The following CHRDL1 variants were observed in gnomAD, a reference collection of about 807,000 sequenced individuals.
The protein encoded by CHRDL1 is chordin like 1.
Under a neutral mutation model 40.9 loss-of-function variants are expected in CHRDL1, and 19 were observed. The observed-to-expected ratio is 0.46, with a 90% CI of 0.32 to 0.68. CHRDL1 has a LOEUF of 0.68. CHRDL1 is among the 30% of genes least tolerant of loss of function. The pLI, the probability that CHRDL1 is intolerant of heterozygous loss-of-function variation, is 0.03. For synonymous variants in CHRDL1, 136 were observed against 123.4 expected (o/e 1.10, Z -0.68); for missense variants, 329 against 352.1 (o/e 0.93, Z 0.53).
intron 7 of CHRDL1, among the ~76,000 whole-genome samples, chrX:110,694,876 A>G (rs142111418): frequency 9.5e-4 from 107 of 112,066 alleles, no homozygotes; most frequent in African/African-American, 3.2e-3. Flanking sequence ...AAGGTGAAGA[A>G]GAGAACATCG....
At chrX:110,705,005 C>G (rs1282170877) in intron 6 of CHRDL1, among the ~76,000 whole-genome samples, 1 of 109,892 alleles carries the variant, frequency 9.1e-6, no homozygotes, top group African/African-American at 3.3e-5. Context: ...AATTTATACC[C>G]TAGAGTTTTT....
rs773945200 is a variant in CHRDL1, at chrX:110,750,987, G to A, written c.301+8674C>T. 1.9e-4 allele frequency among the ~76,000 whole-genome samples: 21 copies of A among 111,730 alleles called. No individual in the cohort carries two copies. The South Asian group carries it at 8.0e-3, about 42-fold the overall frequency. On this transcript the variant is annotated intron_variant, in intron 4 of 11. Transcript: ENST00000372042. The stretch of plus-strand genomic sequence containing the variant: ...ACTGCTGCAAGATCTTACCCAGAAC[G>A]GCTTTCTGTGGGCAGTTCTCTTGAC...
At position 110,721,433 on chromosome X, in the gene CHRDL1, C is replaced by T; in HGVS notation, c.399G>A (p.Gly133=). ...GATTGGGTTGCCGATTCTGAAAGAG[C>T]CCTTCAGCTACGAACAGCTCTCCAT... is the stretch of plus-strand genomic sequence containing the variant. ...YQHGELFVAE[G]LFQNRQPNQC... is the part of the protein sequence containing the mutation. Residue 133 remains glycine, a synonymous_variant, in exon 5 of 12, where the codon GGG becomes GGA. Transcript: ENST00000372042. 8.3e-7 allele frequency: 1 copy of T among 1,209,506 alleles called. No homozygotes were observed. Among genetic ancestry groups the T allele is most frequent in the Non-Finnish European group, 1.1e-6 (1 of 893,411 alleles).
chrX:110,775,727 T>C (rs935757980), intron 2 of CHRDL1, among the ~76,000 whole-genome samples: 1 of 111,471 alleles, frequency 9.0e-6, no homozygotes, highest in African/African-American at 3.2e-5. Context: ...GATTTGCTAG[T>C]TTAATATTGA....
intron 2 of CHRDL1, among the ~76,000 whole-genome samples, chrX:110,765,339 G>A (rs1389589703): frequency 1.8e-5 from 2 of 112,094 alleles, no homozygotes; most frequent in Admixed American, 9.4e-5. Context: ...ATGGAAAATA[G>A]AAAGAACCTA....
At chrX:110,776,714 T>C (rs766989676) in intron 2 of CHRDL1, among the ~76,000 whole-genome samples, 34 of 110,583 alleles carry the variant, frequency 3.1e-4, no homozygotes, top group Non-Finnish European at 6.1e-4. Flanking sequence ...ACAGTAAAAT[T>C]GGGAGGAAGG....
intron 4 of CHRDL1, among the ~76,000 whole-genome samples, chrX:110,741,808 G>A (rs767236898): frequency 8.9e-6 from 1 of 111,900 alleles, no homozygotes; most frequent in African/African-American, 3.2e-5. Flanking sequence ...TTCATTTGGT[G>A]GCACCAGCAA....
Position 110,786,818 on chromosome X carries a change from T to A in CHRDL1, c.94+5270A>T, listed in dbSNP as rs765877744. Among the ~76,000 whole-genome samples, 5 of 112,363 alleles carry A rather than the reference T, an allele frequency of 4.4e-5. No individual in the cohort carries two copies. In the East Asian group the frequency reaches 1.1e-3, roughly 25 times the overall value. On this transcript the variant is annotated intron_variant, in intron 2 of 11. Coordinates refer to ENST00000372042, the MANE Select transcript of CHRDL1 (RefSeq NM_001143981.2). ...TTAGTCCTTGTCTCAGTCTTTTAAC[T>A]CCCAAATAGTATACTATCCCTCTTA...
At chrX:110,696,273 G>C (rs2070383994) in intron 7 of CHRDL1, among the ~76,000 whole-genome samples, 1 of 111,442 alleles carries the variant, frequency 9.0e-6, no homozygotes, top group East Asian at 2.8e-4. Flanking sequence ...TAGCACCAAC[G>C]TCTCAGACCT....
chrX:110,708,126 T>C (rs2070680094), intron 6 of CHRDL1, among the ~76,000 whole-genome samples: 1 of 110,184 alleles, frequency 9.1e-6, no homozygotes, highest in Admixed American at 9.7e-5. Flanking sequence ...ATGGTGATCC[T>C]TAAAAAGTCA....
chrX:110,790,321 A>G (rs1328363682), intron 2 of CHRDL1, among the ~76,000 whole-genome samples: 2 of 112,320 alleles, frequency 1.8e-5, no homozygotes, highest in East Asian at 2.8e-4. Context: ...TTTGGCACCA[A>G]TTGAATATCA....
At position 110,684,526 on chromosome X, in the gene CHRDL1, C is replaced by T. The variant is rs770142652; in HGVS notation, c.989-2877G>A. Among the ~76,000 whole-genome samples, 10 of 111,820 alleles carry T rather than the reference C, an allele frequency of 8.9e-5. No individual in the cohort carries two copies. The South Asian group carries it at 3.8e-3, about 42-fold the overall frequency. ...TACTCCTTTAAAAGTGCTTCCTGCC[C>T]CATTCACTCTCTCTTGATCCTGTTT... On this transcript the variant is annotated intron_variant, in intron 9 of 11. Transcript: ENST00000372042.
chrX:110,689,630 C>CTA (rs1474780813), intron 8 of CHRDL1, among the ~76,000 whole-genome samples: 6 of 33,939 alleles, frequency 1.8e-4, no homozygotes, highest in Non-Finnish European at 2.1e-4. Context: ...ATCTATATAT[C>CTA]TATATATCTA....
At chrX:110,784,755 T>C (rs1398915414) in intron 2 of CHRDL1, among the ~76,000 whole-genome samples, 1 of 111,523 alleles carries the variant, frequency 9.0e-6, no homozygotes, top group Non-Finnish European at 1.9e-5. Context: ...AAGAAAAGGG[T>C]CCATAATTCA....
intron 6 of CHRDL1, among the ~76,000 whole-genome samples, chrX:110,715,023 AC>A (rs1274582416): frequency 8.9e-6 from 1 of 112,007 alleles, no homozygotes; most frequent in Non-Finnish European, 1.9e-5. Flanking sequence ...CAATGAAAGA[AC>A]AACAATTTTT....
At chrX:110,695,235 T>C (rs751077155) in intron 7 of CHRDL1, among the ~76,000 whole-genome samples, 5 of 111,613 alleles carry the variant, frequency 4.5e-5, no homozygotes, top group Non-Finnish European at 9.4e-5. Context: ...GGTAGAAGAA[T>C]TGATAGTACA....
chrX:110,779,930 G>A (rs141503491), intron 2 of CHRDL1, among the ~76,000 whole-genome samples: 2,388 of 110,975 alleles, frequency 0.022, 66 homozygotes, highest in African/African-American at 0.073. Context: ...TCATTTTAAT[G>A]ACTGCTTATA....
intron 4 of CHRDL1, among the ~76,000 whole-genome samples, chrX:110,757,317 T>C (rs568779432): frequency 2.7e-5 from 3 of 109,439 alleles, no homozygotes; most frequent in African/African-American, 9.9e-5. Context: ...CTGAAGAGAA[T>C]AATCAAACTT....
chrX:110,765,243 C>A (rs967389502), intron 2 of CHRDL1, among the ~76,000 whole-genome samples: 1 of 111,513 alleles, frequency 9.0e-6, no homozygotes, highest in Non-Finnish European at 1.9e-5. Context: ...ACCATCCTAC[C>A]GATATGTGAT....
Sources: gnomAD v4.1 joint callset for allele counts (sites outside exome capture counted in the v4.1 genomes callset) on GRCh38, gnomAD v4.1.1 for gene constraint, MANE v1.5 for transcripts, NCBI Gene and HGNC (gene_info 2026-07-23, HGNC 2026-07-21) for gene names.